Variants in HHAT observed in about 807,000 individuals in gnomAD.
The protein encoded by HHAT is protein-cysteine N-palmitoyltransferase HHAT.
HHAT carries 47 observed loss-of-function variants against 70.8 expected under a neutral mutation model. The ratio of observed to expected loss-of-function variants is 0.66; its 90% CI spans 0.53 to 0.85. HHAT has a LOEUF of 0.85. Ranked by LOEUF, HHAT falls within the 40% of genes least tolerant of loss-of-function variation. The pLI, the probability that HHAT is intolerant of heterozygous loss-of-function variation, is 0.00. For synonymous variants in HHAT, 228 were observed against 247.6 expected (o/e 0.92, Z 0.74); for missense variants, 609 against 604.8 (o/e 1.01, Z -0.07).
chr1:210,376,902 TTCTC>T lies in HHAT; in HGVS notation c.160-10562_160-10559del, dbSNP rs2090269203. Among the ~76,000 whole-genome samples the T allele has an allele frequency of 2.6e-5, 4 of 152,258 alleles. No individual in the cohort carries two copies. In the South Asian group the frequency reaches 8.3e-4, roughly 32 times the overall value. Reference sequence around the variant, plus strand: ...TGGCAAAAATGTTAGTTCTCCCTTTTTCTCTCTGAGATCACACTTTCTTTAATTG... The same window carrying T: ...TGGCAAAAATGTTAGTTCTCCCTTTTTCTGAGATCACACTTTCTTTAATTG... On this transcript the variant is annotated intron_variant, in intron 3 of 11. Transcript: ENST00000261458.
intron 9 of HHAT, among the ~76,000 whole-genome samples, chr1:210,534,658 C>T (rs1214508902): frequency 6.6e-6 from 1 of 152,010 alleles, no homozygotes. Context: ...TAATTTTATA[C>T]CATATTTTAA....
At chr1:210,446,580 C>T (rs1025628413) in intron 7 of HHAT, among the ~76,000 whole-genome samples, 5 of 152,220 alleles carry the variant, frequency 3.3e-5, no homozygotes, top group East Asian at 1.9e-4. Context: ...CACCTGCCAC[C>T]GTGACTCATC....
intron 4 of HHAT, among the ~76,000 whole-genome samples, chr1:210,396,968 C>T (rs1444915598): frequency 6.6e-6 from 1 of 152,116 alleles, no homozygotes; most frequent in African/African-American, 2.4e-5. Context: ...TGCATTTTTA[C>T]CATGGTAGAT....
At chr1:210,497,232 G>A (rs2094664434) in intron 8 of HHAT, among the ~76,000 whole-genome samples, 2 of 152,154 alleles carry the variant, frequency 1.3e-5, no homozygotes, top group Admixed American at 6.5e-5. Flanking sequence ...GACATGATTT[G>A]TGTAATATAA....
intron 10 of HHAT, among the ~76,000 whole-genome samples, chr1:210,607,488 G>T (rs1000158349): frequency 5.3e-5 from 8 of 152,146 alleles, no homozygotes; most frequent in Admixed American, 2.6e-4. Context: ...TTAAGCTGTT[G>T]TTTTTGTGGT....
chr1:210,652,989 A>G (rs1675497348), intron 11 of HHAT, among the ~76,000 whole-genome samples: 1 of 152,222 alleles, frequency 6.6e-6, no homozygotes, highest in African/African-American at 2.4e-5. Context: ...CACATGTGAA[A>G]TGAAATATAC....
rs1351495594 is a variant in HHAT at position 210,460,515 on chromosome 1, C to A, written c.857-3990C>A. On this transcript the variant is annotated intron_variant, in intron 7 of 11. Coordinates refer to ENST00000261458, the MANE Select transcript of HHAT (RefSeq NM_018194.6). ...CTGTTCCTCTGCGTTTAGGTTGTTG[C>A]CTGTCCTCGGGGTGTGGGTATTAAT... Among the ~76,000 whole-genome samples the A allele has an allele frequency of 2.6e-5, 4 of 152,132 alleles. No homozygotes were observed. In the East Asian group the frequency reaches 7.7e-4, roughly 29 times the overall value.
At chr1:210,615,901 G>A (rs1667620167) in intron 10 of HHAT, among the ~76,000 whole-genome samples, 1 of 152,164 alleles carries the variant, frequency 6.6e-6, no homozygotes, top group Admixed American at 6.5e-5. Context: ...CACTTGAGGA[G>A]GCAGTCTGTC....
At chr1:210,529,985 A>G (rs190195226) in intron 9 of HHAT, among the ~76,000 whole-genome samples, 1 of 152,340 alleles carries the variant, frequency 6.6e-6, no homozygotes, top group East Asian at 1.9e-4. Context: ...TAAAGGCAGT[A>G]ATTCATTCTG....
At chr1:210,506,224 G>T (rs888537463) in intron 8 of HHAT, among the ~76,000 whole-genome samples, 1 of 152,134 alleles carries the variant, frequency 6.6e-6, no homozygotes, top group Non-Finnish European at 1.5e-5. Flanking sequence ...AACTGCCAGG[G>T]CTGCCCTGGA....
chr1:210,565,594 C>T (rs980259438), intron 9 of HHAT, among the ~76,000 whole-genome samples: 5 of 152,002 alleles, frequency 3.3e-5, no homozygotes, highest in African/African-American at 4.8e-5. Context: ...AAAACAGAAA[C>T]GATGACAGTG....
chr1:210,652,865 A>G (rs902610077), intron 11 of HHAT, among the ~76,000 whole-genome samples: 4 of 152,228 alleles, frequency 2.6e-5, no homozygotes, highest in African/African-American at 9.6e-5. Context: ...TACCTCATAG[A>G]TTCCTGTAGA....
At chr1:210,660,928 T>G (rs1213258528) in intron 11 of HHAT, among the ~76,000 whole-genome samples, 1 of 152,106 alleles carries the variant, frequency 6.6e-6, no homozygotes, top group South Asian at 2.1e-4. Flanking sequence ...GATGGATTAA[T>G]GACTTAACTG....
At chr1:210,534,725 G>A (rs114565720) in intron 9 of HHAT, among the ~76,000 whole-genome samples, 3 of 152,274 alleles carry the variant, frequency 2.0e-5, no homozygotes, top group African/African-American at 4.8e-5. Context: ...TGACACATGA[G>A]ACCACATGTG....
At chr1:210,447,967 A>C (rs1008060893) in intron 7 of HHAT, among the ~76,000 whole-genome samples, 1 of 152,108 alleles carries the variant, frequency 6.6e-6, no homozygotes, top group Non-Finnish European at 1.5e-5. Flanking sequence ...GCCACCTTGA[A>C]GGGGATGTGG....
At chr1:210,620,367 A>G in intron 10 of HHAT, among the ~76,000 whole-genome samples, 1 of 152,068 alleles carries the variant, frequency 6.6e-6, no homozygotes, top group East Asian at 1.9e-4. Flanking sequence ...TCACCTTCCA[A>G]AATGTCCAGA....
chr1:210,436,078 G>A (rs1028985252), intron 7 of HHAT, among the ~76,000 whole-genome samples: 6 of 151,794 alleles, frequency 4.0e-5, no homozygotes, highest in African/African-American at 1.2e-4. Context: ...TCCTCTAGCA[G>A]TTTCATAGTT....
At chr1:210,383,006 C>T (rs534753148) in intron 3 of HHAT, among the ~76,000 whole-genome samples, 4 of 152,250 alleles carry the variant, frequency 2.6e-5, no homozygotes, top group African/African-American at 9.6e-5. Context: ...TCATTTGTAA[C>T]ACGGAGTTAG....
intron 11 of HHAT, among the ~76,000 whole-genome samples, chr1:210,644,602 CAAAAAAAAAAAA>C (rs57190952): frequency 6.2e-5 from 4 of 64,034 alleles, no homozygotes; most frequent in East Asian, 6.4e-4. Flanking sequence ...GACTCCATCT[CAAAAAAAAAAAA>C]AAAAAAAAAA....
Sources: gnomAD v4.1 joint callset for allele counts (sites outside exome capture counted in the v4.1 genomes callset) on GRCh38, gnomAD v4.1.1 for gene constraint, MANE v1.5 for transcripts, NCBI Gene and HGNC (gene_info 2026-07-23, HGNC 2026-07-21) for gene names.